The following CYB5R4 variants were observed in gnomAD, a reference collection of about 807,000 sequenced individuals.
CYB5R4 encodes N-terminal cytochrome b5 and cytochrome b5 oxidoreductase domain-containing protein.
Under a neutral mutation model 70.2 loss-of-function variants are expected in CYB5R4, and 55 were observed. The ratio of observed to expected loss-of-function variants is 0.78; its 90% CI spans 0.63 to 0.98. The LOEUF (loss-of-function observed/expected upper bound fraction) is 0.98, where lower values mean the gene tolerates loss of function less well. CYB5R4 is among the 50% of genes least tolerant of loss of function. The pLI, the probability that CYB5R4 is intolerant of heterozygous loss-of-function variation, is 0.00. For synonymous variants in CYB5R4, 197 were observed against 199.5 expected (o/e 0.99, Z 0.11); for missense variants, 562 against 612.6 (o/e 0.92, Z 0.87).
At chr6:83,862,757 A>G (rs996565258) in intron 1 of CYB5R4, among the ~76,000 whole-genome samples, 1 of 152,210 alleles carries the variant, frequency 6.6e-6, no homozygotes, top group Non-Finnish European at 1.5e-5. Flanking sequence ...TGCTTTAACT[A>G]TCCTGTGGAT....
intron 1 of CYB5R4, among the ~76,000 whole-genome samples, chr6:83,863,879 T>G (rs1417175062): frequency 1.3e-5 from 2 of 152,202 alleles, no homozygotes; most frequent in East Asian, 3.9e-4. Context: ...TACTTTGCCA[T>G]TTTATATGAG....
intron 15 of CYB5R4, among the ~76,000 whole-genome samples, chr6:83,959,410 G>A (rs2099472961): frequency 6.6e-6 from 1 of 152,144 alleles, no homozygotes; most frequent in African/African-American, 2.4e-5. Context: ...CCACAGGGAT[G>A]TAGAAAAATG....
chr6:83,859,804 T>C lies in CYB5R4; in HGVS notation c.22T>C (p.Ser8Pro). The change falls in exon 1 of 16, where the codon TCT becomes CCT. Residue 8 changes from serine to proline, a missense_variant. Physicochemically the swap from Ser to Pro is moderately conservative, Grantham distance 74. Coordinates refer to ENST00000369681, the MANE Select transcript of CYB5R4 (RefSeq NM_016230.4). Reference sequence around the variant, plus strand: ...GAAGATGCTGAACGTCCCTTCCCAGTCTTTCCCGGCCCCCAGGTCGCAGCA... The same window carrying C: ...GAAGATGCTGAACGTCCCTTCCCAGCCTTTCCCGGCCCCCAGGTCGCAGCA... MLNVPSQSFPAPRSQQRV... is the reference protein window; with the variant it reads MLNVPSQPFPAPRSQQRV... The C allele has an allele frequency of 6.2e-7, 1 of 1,613,552 alleles. No homozygotes were observed. Among genetic ancestry groups the C allele is most frequent in the Non-Finnish European group, 8.5e-7 (1 of 1,179,864 alleles).
At chr6:83,928,504 A>G (rs778314854) in intron 10 of CYB5R4, among the ~76,000 whole-genome samples, 1 of 152,164 alleles carries the variant, frequency 6.6e-6, no homozygotes, top group Non-Finnish European at 1.5e-5. Flanking sequence ...CTTTCAGAAA[A>G]AAAAAACAAA....
At chr6:83,873,701 ACACCAGG>A (rs2099458020) in intron 2 of CYB5R4, among the ~76,000 whole-genome samples, 1 of 152,170 alleles carries the variant, frequency 6.6e-6, no homozygotes, top group Non-Finnish European at 1.5e-5. Flanking sequence ...CGTGTGCATT[ACACCAGG>A]TTCTGGAGGG....
At chr6:83,939,998 T>G in intron 12 of CYB5R4, 58 bp from the exon 13 acceptor site, 4 of 1,349,932 alleles carry the variant, frequency 3.0e-6, no homozygotes, top group Non-Finnish European at 2.0e-6. Context: ...CCCGCTGGGT[T>G]TTTTGTTTTG....
At chr6:83,958,378 C>T (rs960035638) in intron 15 of CYB5R4, among the ~76,000 whole-genome samples, 14 of 151,948 alleles carry the variant, frequency 9.2e-5, no homozygotes, top group African/African-American at 1.9e-4. Context: ...ACAGGAATTC[C>T]GGGAGAGATG....
chr6:83,860,868 A>G (rs1458674734), intron 1 of CYB5R4, among the ~76,000 whole-genome samples: 3 of 152,146 alleles, frequency 2.0e-5, no homozygotes, highest in African/African-American at 7.2e-5. Flanking sequence ...ATTAACTTTA[A>G]TTTTCACAAT....
At chr6:83,879,047 A>G (rs2099459044) in intron 2 of CYB5R4, among the ~76,000 whole-genome samples, 1 of 152,110 alleles carries the variant, frequency 6.6e-6, no homozygotes, top group Non-Finnish European at 1.5e-5. Context: ...GTGGGGGCAG[A>G]AGGGGTTTTG....
chr6:83,862,212 T>G (rs1321451959), intron 1 of CYB5R4, among the ~76,000 whole-genome samples: 1 of 152,240 alleles, frequency 6.6e-6, no homozygotes, highest in Non-Finnish European at 1.5e-5. Flanking sequence ...TCCTGAGGCT[T>G]TTATTCAGAT....
At chr6:83,927,327 A>G (rs9353158) in intron 10 of CYB5R4, among the ~76,000 whole-genome samples, 30,723 of 152,128 alleles carry the variant, frequency 0.2, 6,713 homozygotes, top group African/African-American at 0.54. Context: ...CAAACTGTCT[A>G]TCCTACAATT....
At chr6:83,917,334 T>C (rs911650819) in intron 5 of CYB5R4, among the ~76,000 whole-genome samples, 4 of 152,128 alleles carry the variant, frequency 2.6e-5, no homozygotes, top group African/African-American at 9.7e-5. Flanking sequence ...CATTCAGTAG[T>C]ATCTTCTAAA....
At chr6:83,874,941 G>C (rs1338123424) in intron 2 of CYB5R4, among the ~76,000 whole-genome samples, 1 of 151,918 alleles carries the variant, frequency 6.6e-6, no homozygotes, top group Non-Finnish European at 1.5e-5. Context: ...TCCTGCCTCA[G>C]CCTCCTGAGT....
chr6:83,941,489 A>G (rs1160266384), intron 14 of CYB5R4, among the ~76,000 whole-genome samples: 1 of 152,234 alleles, frequency 6.6e-6, no homozygotes, highest in Non-Finnish European at 1.5e-5. Flanking sequence ...AGGATGGTAT[A>G]CATAAAATTC....
chr6:83,912,535 C>A (rs551626596), intron 4 of CYB5R4, among the ~76,000 whole-genome samples: 7 of 152,162 alleles, frequency 4.6e-5, no homozygotes, highest in Non-Finnish European at 8.8e-5. Context: ...ATCACAGCAC[C>A]AGCCTTCTAA....
At position 83,921,632 on chromosome 6, in the gene CYB5R4, G is replaced by A. The variant is rs138440217; in HGVS notation, c.658+457G>A. Among the ~76,000 whole-genome samples the A allele has an allele frequency of 5.0e-3, 763 of 152,258 alleles. 1 individual carries two copies. Among genetic ancestry groups the A allele is most frequent in the Non-Finnish European group, 8.1e-3 (554 of 68,026 alleles). On this transcript the variant is annotated intron_variant, in intron 8 of 15. Transcript: ENST00000369681. ...TCCTCCAGCTGTCAGTCCCTTCGTG[G>A]CTAAAGACCAACTTTGTATTTTTTT...
At chr6:83,899,413 G>T (rs1451444313) in intron 3 of CYB5R4, among the ~76,000 whole-genome samples, 2 of 152,080 alleles carry the variant, frequency 1.3e-5, no homozygotes, top group Non-Finnish European at 2.9e-5. Context: ...TAGGGATATT[G>T]GTCTAAAATT....
chr6:83,882,593 C>G (rs993648451), intron 2 of CYB5R4, among the ~76,000 whole-genome samples: 2 of 151,986 alleles, frequency 1.3e-5, no homozygotes, highest in African/African-American at 4.8e-5. Flanking sequence ...AGAGAAAAGG[C>G]AGTTATTGGA....
chr6:83,905,383 A>G (rs1310470612), intron 3 of CYB5R4, among the ~76,000 whole-genome samples: 2 of 151,556 alleles, frequency 1.3e-5, no homozygotes, highest in Non-Finnish European at 2.9e-5. Context: ...TATGGGAGAA[A>G]TTTTTCCTGT....
Sources: gnomAD v4.1 joint callset for allele counts (sites outside exome capture counted in the v4.1 genomes callset) on GRCh38, gnomAD v4.1.1 for gene constraint, MANE v1.5 for transcripts, NCBI Gene and HGNC (gene_info 2026-07-23, HGNC 2026-07-21) for gene names.